KIF26B: variants seen among roughly 807,000 people sequenced by gnomAD.
The protein encoded by KIF26B is kinesin-like protein KIF26B.
A neutral mutation model predicts 151.2 loss-of-function variants in KIF26B; 63 were observed. The observed-to-expected ratio is 0.42, with a 90% CI of 0.34 to 0.51. The LOEUF is 0.51. KIF26B is among the 20% of genes least tolerant of loss of function. The pLI, the probability that KIF26B is intolerant of heterozygous loss-of-function variation, is 0.07. For missense variants in KIF26B, 2,813 were observed against 2,913.6 expected (o/e 0.97, Z 0.79); for synonymous variants, 1,357 against 1,262.1 (o/e 1.08, Z -1.59).
intron 2 of KIF26B, among the ~76,000 whole-genome samples, chr1:245,269,203 TCCTCCCACCCAA>T (rs1670804420): frequency 9.3e-6 from 1 of 107,526 alleles, no homozygotes; most frequent in Admixed American, 1.0e-4. Context: ...CTCCCCCTCC[TCCTCCCACCCAA>T]CGGCCCCTCT....
intron 2 of KIF26B, among the ~76,000 whole-genome samples, chr1:245,311,558 C>A (rs758498504): frequency 3.7e-4 from 56 of 151,686 alleles, no homozygotes; most frequent in Non-Finnish European, 6.9e-4. Flanking sequence ...GCAGAGATCA[C>A]ACCACTGCAC....
In KIF26B at chr1:245,688,678, G is replaced by A. The variant is rs763990399; in HGVS notation, c.5695G>A (p.Glu1899Lys). Reference protein sequence around the residue: ...FYHSGGSSGYESVMRDSEATG... With the variant: ...FYHSGGSSGYKSVMRDSEATG... ...CCACAGCGGCGGCAGCAGCGGCTACGAGAGCGTGATGCGGGACAGCGAGGC... is the reference window on the plus strand; with the variant it reads ...CCACAGCGGCGGCAGCAGCGGCTACAAGAGCGTGATGCGGGACAGCGAGGC... Residue 1899 changes from glutamate to lysine, a missense_variant, in exon 12 of 15, where the codon GAG (glutamate) becomes AAG (lysine). By Grantham distance (56) the Glu-to-Lys change is moderately conservative. Transcript: ENST00000407071. 1 of 1,605,396 alleles carries A rather than the reference G, an allele frequency of 6.2e-7. No homozygotes were observed. The highest frequency in any genetic ancestry group is 8.5e-7 in the Non-Finnish European group (1 of 1,177,190).
intron 4 of KIF26B, among the ~76,000 whole-genome samples, chr1:245,510,815 T>C (rs1660819116): frequency 1.3e-5 from 2 of 152,084 alleles, no homozygotes; most frequent in South Asian, 4.1e-4. Context: ...GGAAATGCAA[T>C]GTTGGAGCAG....
At chr1:245,655,926 A>G (rs12746314) in intron 10 of KIF26B, among the ~76,000 whole-genome samples, 51,984 of 151,992 alleles carry the variant, frequency 0.34, 10,043 homozygotes, top group Non-Finnish European at 0.44. Flanking sequence ...CATCCATAGA[A>G]CTCGGTGCTG....
chr1:245,230,929 G>C (rs1669982658), intron 2 of KIF26B, among the ~76,000 whole-genome samples: 2 of 151,832 alleles, frequency 1.3e-5, no homozygotes, highest in Admixed American at 1.3e-4. Flanking sequence ...CAAACAAAAT[G>C]CTGGAAAATG....
rs10924222 is a variant in KIF26B, at chr1:245,516,004, C to T, written c.1167-24763C>T. ...TGCATCTGACAAAGCTGGGTTTGGA[C>T]GATAGCCTCATACTTGGGTTTCTGT... is the stretch of plus-strand genomic sequence containing the variant. On this transcript the variant is annotated intron_variant, in intron 4 of 14. Coordinates refer to ENST00000407071, the MANE Select transcript of KIF26B (RefSeq NM_018012.4). This position sits in a 1 kb window ranked among gnomAD's most constrained non-coding sequence, Gnocchi z 4.2. 0.25 allele frequency among the ~76,000 whole-genome samples: 37,292 copies of T among 151,900 alleles called. 5,608 individuals are homozygous for T. Among genetic ancestry groups the T allele is most frequent in the East Asian group, 0.49 (2,538 of 5,142 alleles).
intron 4 of KIF26B, among the ~76,000 whole-genome samples, chr1:245,448,207 T>G (rs943010935): frequency 7.2e-5 from 11 of 152,240 alleles, no homozygotes; most frequent in African/African-American, 2.4e-4. Flanking sequence ...GTATGTTTTT[T>G]TTGTTGTTGT....
At chr1:245,414,171 A>G (rs12129733) in intron 3 of KIF26B, among the ~76,000 whole-genome samples, 22,629 of 152,280 alleles carry the variant, frequency 0.15, 1,805 homozygotes, top group African/African-American at 0.17. Context: ...CAAGGCTTCC[A>G]GCAGAGTTTT....
chr1:245,671,319 C>T (rs576461655), intron 10 of KIF26B, among the ~76,000 whole-genome samples: 1 of 152,286 alleles, frequency 6.6e-6, no homozygotes, highest in Admixed American at 6.5e-5. Flanking sequence ...AATTCTGATA[C>T]ATGCTGTTAA....
chr1:245,339,470 T>C (rs1450747854), intron 2 of KIF26B, among the ~76,000 whole-genome samples: 1 of 152,200 alleles, frequency 6.6e-6, no homozygotes, highest in Non-Finnish European at 1.5e-5. Flanking sequence ...ATTAATTTTA[T>C]AGTGTCAGTA....
chr1:245,412,073 A>G (rs574041279), intron 3 of KIF26B, among the ~76,000 whole-genome samples: 3 of 152,366 alleles, frequency 2.0e-5, no homozygotes, highest in African/African-American at 7.2e-5. Flanking sequence ...TTCTAAGAGC[A>G]TAACGGCTGA....
chr1:245,179,910 C>T (rs929727214), intron 2 of KIF26B, among the ~76,000 whole-genome samples: 16 of 152,274 alleles, frequency 1.1e-4, no homozygotes, highest in Admixed American at 7.2e-4. Context: ...AAGCACCTGG[C>T]GCATGGCCTG....
chr1:245,388,111 C>T (rs996509016), intron 3 of KIF26B, among the ~76,000 whole-genome samples: 3 of 152,038 alleles, frequency 2.0e-5, no homozygotes, highest in African/African-American at 4.8e-5. Flanking sequence ...TGGAAGCTAT[C>T]GTGACAGAGG....
chr1:245,605,848 C>G (rs1366093454), intron 6 of KIF26B, among the ~76,000 whole-genome samples: 1 of 152,174 alleles, frequency 6.6e-6, no homozygotes, highest in African/African-American at 2.4e-5. Flanking sequence ...AGCAGGTCTC[C>G]TCTCGCCCCC....
At chr1:245,274,013 G>A (rs1670896689) in intron 2 of KIF26B, among the ~76,000 whole-genome samples, 1 of 151,422 alleles carries the variant, frequency 6.6e-6, no homozygotes, top group African/African-American at 2.4e-5. Context: ...TTCATTTTCT[G>A]TTGTGTATCG....
chr1:245,652,807 C>T (rs561742071), intron 10 of KIF26B, among the ~76,000 whole-genome samples: 3 of 152,242 alleles, frequency 2.0e-5, no homozygotes, highest in East Asian at 1.9e-4. Flanking sequence ...AATATCAGGC[C>T]CCAGCTCTGT....
At chr1:245,446,691 A>G (rs1659257465) in intron 4 of KIF26B, among the ~76,000 whole-genome samples, 1 of 152,200 alleles carries the variant, frequency 6.6e-6, no homozygotes, top group Non-Finnish European at 1.5e-5. Context: ...AAACCTGTTT[A>G]TTGTAGGGCA....
At chr1:245,672,995 T>A (rs1055733744) in intron 10 of KIF26B, among the ~76,000 whole-genome samples, 18 of 152,292 alleles carry the variant, frequency 1.2e-4, no homozygotes, top group Admixed American at 9.2e-4. Flanking sequence ...CTGGAAAACA[T>A]AAGCCCCATA....
chr1:245,566,036 C>A (rs982683339), intron 5 of KIF26B, among the ~76,000 whole-genome samples: 1 of 152,236 alleles, frequency 6.6e-6, no homozygotes, highest in Non-Finnish European at 1.5e-5. Flanking sequence ...TGAGCGAGAG[C>A]TCACTGATCA....
Sources: gnomAD v4.1 joint callset for allele counts (sites outside exome capture counted in the v4.1 genomes callset) on GRCh38, gnomAD v4.1.1 for gene constraint, Gnocchi (gnomAD v3.1) non-coding constraint, MANE v1.5 for transcripts, NCBI Gene and HGNC (gene_info 2026-07-23, HGNC 2026-07-21) for gene names.